MYLK: variants seen among roughly 807,000 people sequenced by gnomAD.
MYLK encodes myosin light chain kinase, smooth muscle.
A neutral mutation model predicts 203.4 loss-of-function variants in MYLK; 106 were observed. The observed-to-expected ratio is 0.52, with a 90% CI of 0.45 to 0.61. The LOEUF is 0.61. Ranked by LOEUF, MYLK falls within the 20% of genes least tolerant of loss-of-function variation. The pLI is 0.00. For missense variants in MYLK, 2,072 were observed against 2,442.3 expected (o/e 0.85, Z 3.20); for synonymous variants, 867 against 959.5 (o/e 0.90, Z 1.78).
intron 8 of MYLK, 64 bp from the exon 9 acceptor site, chr3:123,735,480 C>T: frequency 6.3e-7 from 1 of 1,591,152 alleles, no homozygotes. Flanking sequence ...AAATTTCCCT[C>T]CCCAGGCACT....
intron 2 of MYLK, among the ~76,000 whole-genome samples, chr3:123,843,539 G>C (rs2066643921): frequency 6.6e-6 from 1 of 152,204 alleles, no homozygotes; most frequent in African/African-American, 2.4e-5. Flanking sequence ...CTACATTCCA[G>C]AATGGCAAGT....
chr3:123,865,131 C>T (rs2032239561), intron 2 of MYLK, among the ~76,000 whole-genome samples: 1 of 152,146 alleles, frequency 6.6e-6, no homozygotes, highest in Non-Finnish European at 1.5e-5. Context: ...TAGTTCACAG[C>T]TCCTATTACA....
chr3:123,637,953 G>C, intron 29 of MYLK, 118 bp downstream of exon 29: 2 of 1,482,968 alleles, frequency 1.3e-6, no homozygotes, highest in Non-Finnish European at 9.3e-7. Context: ...TGACTCTGGG[G>C]GGGGCTCCCC....
intron 24 of MYLK, among the ~76,000 whole-genome samples, chr3:123,656,804 G>C (rs957951335): frequency 3.9e-5 from 6 of 152,196 alleles, no homozygotes; most frequent in African/African-American, 9.7e-5. Flanking sequence ...ATGGATACAA[G>C]AGGAGAAGAG....
intron 29 of MYLK, 103 bp downstream of exon 29, chr3:123,637,968 T>C (rs1488883116): frequency 6.4e-7 from 1 of 1,552,038 alleles, no homozygotes; most frequent in African/African-American, 1.4e-5. Context: ...CTCCCCATCA[T>C]GACAATGGCA....
intron 3 of MYLK, among the ~76,000 whole-genome samples, chr3:123,810,616 C>T (rs994030496): frequency 3.9e-5 from 6 of 152,228 alleles, no homozygotes; most frequent in Non-Finnish European, 8.8e-5. Flanking sequence ...AACAATCCCC[C>T]CAACAGGCTC....
chr3:123,788,392 T>C (rs1383559776), intron 4 of MYLK, among the ~76,000 whole-genome samples: 1 of 152,010 alleles, frequency 6.6e-6, no homozygotes, highest in East Asian at 1.9e-4. Flanking sequence ...GTTATTTCTT[T>C]TTTTTTTTAA....
At chr3:123,829,162 T>A (rs1398221045) in intron 3 of MYLK, among the ~76,000 whole-genome samples, 1 of 152,120 alleles carries the variant, frequency 6.6e-6, no homozygotes. Context: ...TGCAGCACTA[T>A]TTACAATAGC....
intron 19 of MYLK, among the ~76,000 whole-genome samples, chr3:123,685,004 G>A (rs1302040288): frequency 6.6e-6 from 1 of 152,214 alleles, no homozygotes; most frequent in Non-Finnish European, 1.5e-5. Flanking sequence ...AGCAAAGTAT[G>A]AGAGGCCCAG....
At position 123,774,977 on chromosome 3, in the gene MYLK, A is replaced by G. The variant is rs532567723; in HGVS notation, c.165+18700T>C. 2.6e-5 allele frequency among the ~76,000 whole-genome samples: 4 copies of G among 152,242 alleles called. No individual in the cohort carries two copies. In the East Asian group the frequency reaches 5.8e-4, roughly 22 times the overall value. ...GTTAAGGATCTAGTCTCCTCCCACA[A>G]TGAGTGCCTACTCTAATAGGGAAGA... On this transcript the variant is annotated intron_variant, in intron 4 of 33. Coordinates refer to ENST00000360304, the MANE Select transcript of MYLK (RefSeq NM_053025.4).
intron 23 of MYLK, 105 bp downstream of exon 23, chr3:123,664,000 G>A: frequency 6.7e-7 from 1 of 1,499,944 alleles, no homozygotes; most frequent in South Asian, 1.1e-5. Context: ...CACAGGAGTG[G>A]TGAGAGATAA....
At chr3:123,781,930 T>G (rs2064314931) in intron 4 of MYLK, among the ~76,000 whole-genome samples, 1 of 152,178 alleles carries the variant, frequency 6.6e-6, no homozygotes, top group African/African-American at 2.4e-5. Flanking sequence ...TTTAGAAAAC[T>G]TACAGACTGA....
intron 3 of MYLK, among the ~76,000 whole-genome samples, chr3:123,816,175 T>C (rs1404493030): frequency 6.6e-6 from 1 of 152,274 alleles, no homozygotes; most frequent in African/African-American, 2.4e-5. Context: ...ATACATCCTA[T>C]GGGTCTCCCA....
chr3:123,860,936 C>T (rs1157149184), intron 2 of MYLK, among the ~76,000 whole-genome samples: 1 of 152,052 alleles, frequency 6.6e-6, no homozygotes, highest in Non-Finnish European at 1.5e-5. Context: ...TGAGACCATC[C>T]TGGCTAAAAC....
intron 1 of MYLK, among the ~76,000 whole-genome samples, chr3:123,878,544 G>C (rs1208327091): frequency 2.6e-5 from 4 of 152,158 alleles, no homozygotes; most frequent in African/African-American, 9.6e-5. Flanking sequence ...AGCCTTAAAG[G>C]ACTCTAGAGA....
chr3:123,765,043 T>C (rs1185121249), intron 4 of MYLK, among the ~76,000 whole-genome samples: 9 of 152,096 alleles, frequency 5.9e-5, no homozygotes, highest in Non-Finnish European at 1.2e-4. Flanking sequence ...AAGGACACCA[T>C]TATTTTTAAA....
intron 11 of MYLK, among the ~76,000 whole-genome samples, chr3:123,731,363 G>T (rs2108779206): frequency 6.6e-6 from 1 of 152,270 alleles, no homozygotes; most frequent in African/African-American, 2.4e-5. Context: ...GGACTTTTGT[G>T]CTCTTCCAGA....
Position 123,610,676 on chromosome 3 carries a change from T to G in MYLK, c.*3429A>C, listed in dbSNP as rs1421571310. 6.6e-6 allele frequency: 1 copy of G among 151,668 alleles called. No homozygotes were observed. The highest frequency in any genetic ancestry group is 2.1e-4 in the South Asian group (1 of 4,778). 9.4% of individuals were successfully genotyped at this position (151,668 alleles called of 1,614,324 possible). On this transcript the variant is annotated 3_prime_UTR_variant, in exon 34 of 34. Transcript: ENST00000360304. ...CCCCCTTTCAAATTACAGGAAGGAG[T>G]CCCAAGGGATAAAGAGAGTAGTGCT...
intron 2 of MYLK, among the ~76,000 whole-genome samples, chr3:123,845,917 T>C (rs1180554467): frequency 6.6e-6 from 1 of 152,230 alleles, no homozygotes; most frequent in African/African-American, 2.4e-5. Context: ...TCAGACATGA[T>C]ACAGAGTCCC....
Sources: allele counts gnomAD v4.1 joint callset (sites outside exome capture counted in the v4.1 genomes callset), GRCh38; gene constraint gnomAD v4.1.1; transcripts MANE v1.5; gene names NCBI Gene and HGNC (gene_info 2026-07-23, HGNC 2026-07-21).